Variants in DLGAP2 observed in about 807,000 individuals in gnomAD.
DLGAP2 encodes the protein disks large-associated protein 2.
In DLGAP2, 26 loss-of-function variants were observed where a neutral mutation model predicts 100.3. That is an observed-to-expected ratio of 0.26 (90% CI 0.19 to 0.36). The LOEUF (loss-of-function observed/expected upper bound fraction) is 0.36. DLGAP2 is among the 10% of genes least tolerant of loss of function. The pLI, the probability that DLGAP2 is intolerant of heterozygous loss-of-function variation, is 1.00. For synonymous variants in DLGAP2, 886 were observed against 630.1 expected (o/e 1.41, Z -6.08); for missense variants, 1,858 against 1,453.2 (o/e 1.28, Z -4.53).
chr8:1,061,872 G>A (rs934626742), intron 2 of DLGAP2, among the ~76,000 whole-genome samples: 2 of 151,888 alleles, frequency 1.3e-5, no homozygotes, highest in Non-Finnish European at 2.9e-5. Flanking sequence ...GTGTGGACGG[G>A]GCCCCTCCGA....
intron 3 of DLGAP2, among the ~76,000 whole-genome samples, chr8:1,303,050 C>A (rs1800396638): frequency 6.6e-6 from 1 of 152,300 alleles, no homozygotes; most frequent in South Asian, 2.1e-4. Context: ...TGTTCCTGGA[C>A]TCCACCTCGC....
intron 3 of DLGAP2, among the ~76,000 whole-genome samples, chr8:1,478,969 A>G (rs1284091451): frequency 1.3e-5 from 2 of 152,268 alleles, no homozygotes; most frequent in Admixed American, 6.5e-5. Flanking sequence ...CATGCAACTT[A>G]CAGAAAATAA....
At chr8:1,097,832 C>G (rs374746843) in intron 2 of DLGAP2, among the ~76,000 whole-genome samples, 1,051 of 56,124 alleles carry the variant, frequency 0.019, 1 homozygote, top group East Asian at 0.044. Flanking sequence ...GTCGAGCTGG[C>G]AGCCCGGGGC....
At chr8:954,308 A>C (rs139189520) in intron 2 of DLGAP2, among the ~76,000 whole-genome samples, 1 of 152,344 alleles carries the variant, frequency 6.6e-6, no homozygotes, top group East Asian at 1.9e-4. Context: ...GAACCTGTTC[A>C]TCTATAAGTG....
At chr8:1,410,292 G>A (rs185094075) in intron 3 of DLGAP2, among the ~76,000 whole-genome samples, 2 of 152,204 alleles carry the variant, frequency 1.3e-5, no homozygotes, top group Admixed American at 6.5e-5. Flanking sequence ...ATAGTGACAC[G>A]GAAGGTAACA....
intron 6 of DLGAP2, among the ~76,000 whole-genome samples, chr8:1,567,667 CA>C (rs1802458076): frequency 6.6e-6 from 1 of 152,146 alleles, no homozygotes; most frequent in African/African-American, 2.4e-5. Context: ...GGGACTGGCC[CA>C]GAGTCCTGTA....
intron 2 of DLGAP2, among the ~76,000 whole-genome samples, chr8:1,146,822 G>C (rs1005874106): frequency 8.5e-5 from 13 of 152,192 alleles, no homozygotes; most frequent in African/African-American, 2.7e-4. Context: ...CCCACACAAG[G>C]GTAGGCCTGT....
chr8:1,304,709 C>T (rs972228346), intron 3 of DLGAP2, among the ~76,000 whole-genome samples: 1 of 152,102 alleles, frequency 6.6e-6, no homozygotes, highest in East Asian at 1.9e-4. Context: ...GGAAGATGAT[C>T]GACAAAAGCA....
rs1298680755 is a variant in DLGAP2, at chr8:1,706,018, C to T, written c.*4612C>T. 6.6e-6 allele frequency: 1 copy of T among 152,224 alleles called. No homozygotes were observed. The highest frequency in any genetic ancestry group is 1.9e-4 in the East Asian group (1 of 5,178). 9.4% of individuals were successfully genotyped at this position (152,224 alleles called of 1,614,324 possible). A position where few individuals can be genotyped will look rare whatever the true frequency, so the allele number is the denominator to read the frequency against. On this transcript the variant is annotated 3_prime_UTR_variant, in exon 15 of 15. Transcript: ENST00000637795. ...CACACCACATAAGGTCAGCTCAGAG[C>T]CCATGGCTTCCCTGCAGGAGCCCCA...
intron 1 of DLGAP2, chr8:883,221 G>C (rs979501840): frequency 1.3e-5 from 2 of 152,256 alleles, no homozygotes; most frequent in Non-Finnish European, 2.9e-5. Context: ...TGCTGGCCAC[G>C]GCCTCCACGT....
chr8:1,318,178 C>G (rs1800810274), intron 3 of DLGAP2, among the ~76,000 whole-genome samples: 1 of 152,026 alleles, frequency 6.6e-6, no homozygotes, highest in Non-Finnish European at 1.5e-5. Flanking sequence ...CAGCGTCTCT[C>G]CAACAGTCTA....
At chr8:1,004,921 C>T (rs752667746) in intron 2 of DLGAP2, among the ~76,000 whole-genome samples, 55 of 152,264 alleles carry the variant, frequency 3.6e-4, no homozygotes, top group Middle Eastern at 3.4e-3. Flanking sequence ...GGCTGCTGTC[C>T]GGCACCATGC....
intron 4 of DLGAP2, among the ~76,000 whole-genome samples, chr8:1,527,561 C>T (rs1800835028): frequency 6.6e-6 from 1 of 152,194 alleles, no homozygotes; most frequent in South Asian, 2.1e-4. Flanking sequence ...TGGGTAAATT[C>T]CAGTGCATTT....
At chr8:1,556,319 C>T (rs1163174304) in intron 5 of DLGAP2, among the ~76,000 whole-genome samples, 2 of 152,040 alleles carry the variant, frequency 1.3e-5, no homozygotes, top group Admixed American at 6.5e-5. Context: ...TGCAGGTGGG[C>T]GGAGTCCTGC....
intron 4 of DLGAP2, among the ~76,000 whole-genome samples, chr8:1,517,301 T>G (rs570741848): frequency 6.6e-6 from 1 of 152,048 alleles, no homozygotes; most frequent in South Asian, 2.1e-4. Context: ...GAGTTAGACC[T>G]GGAGTGGCCA....
chr8:1,137,747 G>A (rs547192390), intron 2 of DLGAP2: 1 of 152,156 alleles, frequency 6.6e-6, no homozygotes, highest in Non-Finnish European at 1.5e-5. Context: ...TTAAAAAAAT[G>A]TGTTTTTGGA....
chr8:821,698 A>T (rs1405946160), intron 1 of DLGAP2, among the ~76,000 whole-genome samples: 2 of 152,240 alleles, frequency 1.3e-5, no homozygotes, highest in Non-Finnish European at 2.9e-5. Context: ...AATTTCACAG[A>T]TAGCTATTTT....
At chr8:927,016 A>G in intron 2 of DLGAP2, 3 of 985,360 alleles carry the variant, frequency 3.0e-6, no homozygotes, top group Non-Finnish European at 2.4e-6. Flanking sequence ...GCCGAGAAAG[A>G]GAAAGAGCTC....
intron 3 of DLGAP2, among the ~76,000 whole-genome samples, chr8:1,372,586 A>G (rs1446300909): frequency 1.3e-5 from 2 of 152,154 alleles, no homozygotes; most frequent in African/African-American, 2.4e-5. Context: ...AGATGCCAGG[A>G]GCTCTTTGTG....
Sources: allele counts gnomAD v4.1 joint callset (sites outside exome capture counted in the v4.1 genomes callset), GRCh38; gene constraint gnomAD v4.1.1; transcripts MANE v1.5; gene names NCBI Gene and HGNC (gene_info 2026-07-23, HGNC 2026-07-21).